RERE: variants seen among roughly 807,000 people sequenced by gnomAD.
The protein encoded by RERE is arginine-glutamic acid dipeptide repeats protein.
RERE carries 40 observed loss-of-function variants against 146.1 expected under a neutral mutation model. The observed-to-expected ratio is 0.27, with a 90% confidence interval of 0.21 to 0.36. The LOEUF is 0.36. Among genes scored for constraint, RERE ranks in the 10% least tolerant of loss-of-function variants. RERE has a pLI of 1.00. For synonymous variants in RERE, 1,003 were observed against 866.0 expected, an observed-to-expected ratio of 1.16 and a Z score of -2.78; for missense variants, 1,933 against 2,138.7, an observed-to-expected ratio of 0.90 and a Z score of 1.90.
intron 12 of RERE, among the ~76,000 whole-genome samples, chr1:8,382,021 A>C (rs1375132327): frequency 6.6e-6 from 1 of 152,230 alleles, no homozygotes; most frequent in Non-Finnish European, 1.5e-5. Flanking sequence ...CCTTAAGAGC[A>C]CTCAGGAAAG....
At chr1:8,754,739 A>C (rs1640603344) in intron 1 of RERE, among the ~76,000 whole-genome samples, 1 of 152,234 alleles carries the variant, frequency 6.6e-6, no homozygotes, top group Non-Finnish European at 1.5e-5. Flanking sequence ...GTGACTGTTA[A>C]CATCTGTCTT....
chr1:8,549,111 AAC>A (rs1235543902), intron 6 of RERE, among the ~76,000 whole-genome samples: 1 of 152,228 alleles, frequency 6.6e-6, no homozygotes, highest in Non-Finnish European at 1.5e-5. Context: ...TCTGCCTGCT[AAC>A]TGGATCTAGA....
chr1:8,747,970 G>A (rs530618808), intron 1 of RERE, among the ~76,000 whole-genome samples: 1 of 152,058 alleles, frequency 6.6e-6, no homozygotes, highest in South Asian at 2.1e-4. Context: ...TAGAGATGGG[G>A]TTTCACCATG....
At chr1:8,773,045 C>T (rs971962276) in intron 1 of RERE, among the ~76,000 whole-genome samples, 2 of 152,250 alleles carry the variant, frequency 1.3e-5, no homozygotes, top group South Asian at 2.1e-4. Flanking sequence ...AGAGATCATG[C>T]CATTGTATTC....
intron 1 of RERE, among the ~76,000 whole-genome samples, chr1:8,752,542 A>C (rs1640559724): frequency 6.6e-6 from 1 of 152,210 alleles, no homozygotes; most frequent in Non-Finnish European, 1.5e-5. Flanking sequence ...CTTAATCTTT[A>C]TCTCATTGAG....
intron 12 of RERE, among the ~76,000 whole-genome samples, chr1:8,387,939 G>A (rs1212562250): frequency 1.3e-5 from 2 of 152,214 alleles, no homozygotes; most frequent in Admixed American, 6.5e-5. Flanking sequence ...ATGTGTGCCA[G>A]TTGATGTGTG....
chr1:8,438,911 AT>A (rs1644207569), intron 11 of RERE, among the ~76,000 whole-genome samples: 1 of 152,158 alleles, frequency 6.6e-6, no homozygotes. Flanking sequence ...TCTAATTGAT[AT>A]TCTCCCTCTC....
intron 7 of RERE, among the ~76,000 whole-genome samples, chr1:8,519,040 G>A (rs1645456714): frequency 1.3e-5 from 2 of 152,252 alleles, no homozygotes; most frequent in South Asian, 4.1e-4. Flanking sequence ...TTCAAAAGCA[G>A]GGAAAGAGCA....
At chr1:8,484,684 A>G (rs1320176750) in intron 10 of RERE, among the ~76,000 whole-genome samples, 5 of 152,188 alleles carry the variant, frequency 3.3e-5, no homozygotes, top group Non-Finnish European at 1.5e-5. Context: ...TGGCCTCCCA[A>G]TGTGCTGGGA....
intron 7 of RERE, chr1:8,519,938 G>GCT (rs981265570): frequency 6.6e-6 from 1 of 152,158 alleles, no homozygotes; most frequent in Admixed American, 6.6e-5. Flanking sequence ...GCAAGCAAGG[G>GCT]CTCTGCTGCA....
chr1:8,787,807 G>A (rs903098225), intron 1 of RERE, among the ~76,000 whole-genome samples: 3 of 147,592 alleles, frequency 2.0e-5, no homozygotes, highest in Non-Finnish European at 4.4e-5. Context: ...CTTCAGCCAG[G>A]GCAACAGAGG....
chr1:8,635,977 C>CTTATCTTATCTTATCTTATT (rs1268893065), intron 2 of RERE, among the ~76,000 whole-genome samples: 92 of 136,816 alleles, frequency 6.7e-4, no homozygotes, highest in African/African-American at 2.3e-3. Flanking sequence ...CTTATCTTAT[C>CTTATCTTATCTTATCTTATT]TTATTTTATT....
intron 4 of RERE, among the ~76,000 whole-genome samples, chr1:8,608,982 G>T (rs1646756928): frequency 1.3e-5 from 2 of 152,034 alleles, no homozygotes; most frequent in Admixed American, 1.3e-4. Flanking sequence ...ACTTTGGGAG[G>T]CCGAGGCAGG....
intron 2 of RERE, among the ~76,000 whole-genome samples, chr1:8,644,289 C>T (rs747008419): frequency 6.6e-6 from 1 of 152,128 alleles, no homozygotes; most frequent in Non-Finnish European, 1.5e-5. Flanking sequence ...GAATCTTGAG[C>T]TGAGTGACAG....
At chr1:8,594,212 T>C (rs185866603) in intron 4 of RERE, among the ~76,000 whole-genome samples, 88 of 152,292 alleles carry the variant, frequency 5.8e-4, no homozygotes, top group African/African-American at 1.7e-3. Flanking sequence ...TTAAATAGCT[T>C]GTCTAAAGTA....
intron 1 of RERE, among the ~76,000 whole-genome samples, chr1:8,747,096 G>A (rs963577907): frequency 2.0e-5 from 3 of 151,972 alleles, no homozygotes; most frequent in African/African-American, 7.3e-5. Flanking sequence ...CCGCCTCCCG[G>A]GTCCACGCCA....
At chr1:8,602,390 CA>C (rs34191037) in intron 4 of RERE, among the ~76,000 whole-genome samples, 84,163 of 138,416 alleles carry the variant, frequency 0.61, 24,786 homozygotes, top group East Asian at 0.83. Flanking sequence ...GACTCCATCT[CA>C]AAAAAAAAAA....
At chr1:8,546,016 G>T (rs1217470409) in intron 6 of RERE, among the ~76,000 whole-genome samples, 2 of 110,126 alleles carry the variant, frequency 1.8e-5, no homozygotes, top group African/African-American at 4.8e-5. Context: ...TTGAGATAGG[G>T]TCTCCCTCTG....
chr1:8,770,711 G>T (rs1640932150), intron 1 of RERE, among the ~76,000 whole-genome samples: 1 of 152,190 alleles, frequency 6.6e-6, no homozygotes, highest in South Asian at 2.1e-4. Flanking sequence ...CTTTTTTAGA[G>T]GGTAACTTGG....
Sources: gnomAD v4.1 joint callset for allele counts (sites outside exome capture counted in the v4.1 genomes callset) on GRCh38, gnomAD v4.1.1 for gene constraint, MANE v1.5 for transcripts, NCBI Gene and HGNC (gene_info 2026-07-23, HGNC 2026-07-21) for gene names.